Variants in HIP1R observed in about 807,000 individuals in gnomAD.
HIP1R encodes huntingtin interacting protein 1 related.
In HIP1R, 135 loss-of-function variants were observed where a neutral mutation model predicts 144.2. The observed-to-expected ratio is 0.94, with a 90% CI of 0.81 to 1.08. The LOEUF is 1.08. HIP1R is among the 50% of genes least tolerant of loss of function. The pLI is 0.00. For missense variants in HIP1R, 1,462 were observed against 1,432.8 expected, an observed-to-expected ratio of 1.02 and a Z score of -0.33; for synonymous variants, 698 against 612.8, an observed-to-expected ratio of 1.14 and a Z score of -2.05.
At chr12:122,860,339 A>G (rs903489493) in intron 26 of HIP1R, 84 bp from the exon 27 acceptor site, 52 of 1,559,608 alleles carry the variant, frequency 3.3e-5, no homozygotes, top group Admixed American at 1.5e-4. Flanking sequence ...GGCCAGAGTG[A>G]GGGGGAGAGG....
Position 122,840,980 on chromosome 12 carries a change from C to T in HIP1R, c.93+5337C>T, listed in dbSNP as rs958514893. Among the ~76,000 whole-genome samples the T allele has an allele frequency of 6.6e-6, 1 of 152,166 alleles. No individual in the cohort carries two copies. The highest frequency in any genetic ancestry group is 1.5e-5 in the Non-Finnish European group (1 of 68,030). On this transcript the variant is annotated intron_variant, in intron 1 of 31. Coordinates refer to ENST00000253083, the MANE Select transcript of HIP1R (RefSeq NM_003959.3). The surrounding 1 kb of genome is among the most constrained non-coding windows in gnomAD (Gnocchi z 4.2). ...CAGCCAGCGCTGCACCGGTCATTCG[C>T]GAATGAAACCCAGCTGGCCACTGGA...
Position 122,855,269 on chromosome 12 carries a change from C to A in HIP1R, c.857C>A (p.Pro286His), listed in dbSNP as rs1473662145. 1 of 1,612,692 alleles carries A rather than the reference C, an allele frequency of 6.2e-7. No homozygotes were observed. Among genetic ancestry groups the A allele is most frequent in the Non-Finnish European group, 8.5e-7 (1 of 1,179,922 alleles). Reference sequence around the variant, plus strand: ...TCCCACCTGCCGCCCCTGCAGGGACCCCCTAACTTCCTGCGGGCCTCAGCC... The same window carrying A: ...TCCCACCTGCCGCCCCTGCAGGGACACCCTAACTTCCTGCGGGCCTCAGCC... Reference protein sequence around the residue: ...LIQIPRLPEGPPNFLRASALA... With the variant: ...LIQIPRLPEGHPNFLRASALA... Residue 286 changes from proline (P) to histidine (H), a missense_variant, in exon 11 of 32, where the codon CCC (proline) becomes CAC (histidine). Pro to His is a moderately conservative substitution (Grantham distance 77). Coordinates refer to ENST00000253083, the MANE Select transcript of HIP1R (RefSeq NM_003959.3).
Position 122,860,936 on chromosome 12 carries a change from C to G in HIP1R, c.2787C>G (p.Ser929Arg). The stretch of plus-strand genomic sequence containing the variant: ...CTCAGGTGAAGGCCAACAAGCACAG[C>G]CCCCACCTGAGCCGCCTGCAGGAAT... ...AASKVKANKHSPHLSRLQECS... is the reference protein window; with the variant it reads ...AASKVKANKHRPHLSRLQECS... The change falls in exon 29 of 32, where the codon AGC (serine) becomes AGG (arginine). Residue 929 changes from serine (S) to arginine (R), a missense_variant. Ser to Arg is a moderately radical substitution (Grantham distance 110). Around this residue, in one of 2 missense-constraint regions of HIP1R, gnomAD observed 1,112 missense variants for 1,011.7 expected, o/e 1.10. Transcript: ENST00000253083. 6.2e-7 allele frequency: 1 copy of G among 1,612,378 alleles called. No individual in the cohort carries two copies. Among genetic ancestry groups the G allele is most frequent in the East Asian group, 2.2e-5 (1 of 44,798 alleles).
Position 122,860,220 on chromosome 12 carries a change from C to T in HIP1R, c.2559+10C>T, listed in dbSNP as rs376788472. The stretch of plus-strand genomic sequence containing the variant: ...CGTGGAGAGCGGCAGGGTGAGGGGC[C>T]GGCGGCAGCAGGGCACAGTCCACAA... On this transcript the variant is annotated intron_variant, in intron 26 of 31. Transcript: ENST00000253083. 590 of 1,549,956 alleles carry T rather than the reference C, an allele frequency of 3.8e-4. 2 individuals carry two copies. The highest frequency in any genetic ancestry group is 1.2e-3 in the Middle Eastern group (7 of 5,880).
At position 122,858,094 on chromosome 12, in the gene HIP1R, A is replaced by C. The variant is rs775876161; in HGVS notation, c.1816-8A>C. On this transcript the variant is annotated splice_polypyrimidine_tract_variant and splice_region_variant and intron_variant, in intron 18 of 31. Coordinates refer to ENST00000253083, the MANE Select transcript of HIP1R (RefSeq NM_003959.3). ...TCTCTAACCTGTCCTCTTCACCCCC[A>C]TTGCCAGGAGTCTCAGGAGCAGGGG... 1.3e-6 allele frequency: 2 copies of C among 1,567,958 alleles called. No homozygotes were observed. The highest frequency in any genetic ancestry group is 1.7e-5 in the Admixed American group (1 of 57,542).
rs771213166 is a variant in HIP1R, at chr12:122,851,217, C to G, written c.516-19C>G. 10 of 1,493,506 alleles carry G rather than the reference C, an allele frequency of 6.7e-6. No individual in the cohort carries two copies. The highest frequency in any genetic ancestry group is 8.0e-6 in the Non-Finnish European group (9 of 1,126,966). The allele number at this position is 1,493,506 out of a possible 1,614,324, so 92.5% of individuals were successfully genotyped here. On this transcript the variant is annotated intron_variant, in intron 6 of 31. Coordinates refer to ENST00000253083, the MANE Select transcript of HIP1R (RefSeq NM_003959.3). ...TCCACCCACCCTTTTTCATTTCTTC[C>G]CCCACTTCTCTTGCGTAGCTTCCAG... is the stretch of plus-strand genomic sequence containing the variant.
chr12:122,862,697 T>C lies in HIP1R; in HGVS notation c.*944T>C, dbSNP rs2033806080. The C allele has an allele frequency of 6.6e-6, 1 of 151,778 alleles. No individual in the cohort carries two copies. Among genetic ancestry groups the C allele is most frequent in the Non-Finnish European group, 1.5e-5 (1 of 67,930 alleles). 9.4% of individuals were successfully genotyped at this position (151,778 alleles called of 1,614,324 possible). A position where few individuals can be genotyped will look rare whatever the true frequency, so the allele number is the denominator to read the frequency against. ...GCTTTGCCCGTCAGATTTGAACGAA[T>C]GTGTGTCCCTTGAGCCCAAGGAGAG... On this transcript the variant is annotated 3_prime_UTR_variant, in exon 32 of 32. Transcript: ENST00000253083.
intron 1 of HIP1R, among the ~76,000 whole-genome samples, chr12:122,847,741 T>A (rs369817938): frequency 1.2e-4 from 18 of 151,672 alleles, no homozygotes; most frequent in African/African-American, 4.4e-4. Context: ...GCCAGGAGAG[T>A]CAAGTCGTGC....
At position 122,861,344 on chromosome 12, in the gene HIP1R, G is replaced by T; in HGVS notation, c.2989G>T (p.Glu997Ter). ...VLELEKTLEA[E>*]RMRLGELRKQ... ...GGAGCTGGAGAAGACGCTGGAGGCT[G>T]AACGCATGCGGCTGGGGGAGTTGCG... is the stretch of plus-strand genomic sequence containing the variant. Residue 997 changes from glutamate (E) to a stop codon, truncating the protein, a stop_gained, in exon 31 of 32, where the codon GAA (glutamate) becomes TAA (stop). Coordinates refer to ENST00000253083, the MANE Select transcript of HIP1R (RefSeq NM_003959.3). LOFTEE classifies it high-confidence loss of function. 1 of 1,613,704 alleles carries T rather than the reference G, an allele frequency of 6.2e-7. No individual in the cohort carries two copies.
At chr12:122,851,998 T>C (rs1479139376) in intron 7 of HIP1R, among the ~76,000 whole-genome samples, 1 of 152,182 alleles carries the variant, frequency 6.6e-6, no homozygotes, top group Non-Finnish European at 1.5e-5. Context: ...CTGAGTCACG[T>C]CAGACTTCCT....
intron 18 of HIP1R, chr12:122,857,627 C>T (rs1198818359): frequency 2.9e-6 from 1 of 345,870 alleles, no homozygotes; most frequent in Non-Finnish European, 5.4e-6. Flanking sequence ...TGCTGGGTCT[C>T]ACCTCTGTTA....
intron 4 of HIP1R, 103 bp from the exon 5 acceptor site, chr12:122,849,768 TTGAA>T (rs1161443976): frequency 6.9e-6 from 5 of 721,838 alleles, no homozygotes; most frequent in African/African-American, 3.5e-5. Context: ...AAGACGTTTG[TTGAA>T]TGAAGAAGTG....
At position 122,850,855 on chromosome 12, in the gene HIP1R, C is replaced by T; in HGVS notation, c.459C>T (p.Gly153=). 1 of 1,609,770 alleles carries T rather than the reference C, an allele frequency of 6.2e-7. No homozygotes were observed. The highest frequency in any genetic ancestry group is 1.1e-5 in the South Asian group (1 of 90,244). ...FHLKHPQFPA[G]LEVTDEVLEK... ...CACAGCATCCCCAGTTTCCCGCGGG[C>T]CTGGAGGTGACAGATGAGGTACTGG... is the stretch of plus-strand genomic sequence containing the variant. Residue 153 remains glycine (G), a synonymous_variant, in exon 6 of 32, where the codon GGC becomes GGT. Transcript: ENST00000253083.
Position 122,856,001 on chromosome 12 carries a change from C to A in HIP1R, c.1150C>A (p.Leu384Met). 1 of 1,593,144 alleles carries A rather than the reference C, an allele frequency of 6.3e-7. No individual in the cohort carries two copies. Among genetic ancestry groups the A allele is most frequent in the Non-Finnish European group, 8.5e-7 (1 of 1,170,222 alleles). The change falls in exon 14 of 32, where the codon CTG becomes ATG. Residue 384 changes from leucine to methionine, a missense_variant. Leu to Met is a conservative substitution (Grantham distance 15). Transcript: ENST00000253083. ...GCAGGCCCAGCGGTACATCGCGCAG[C>A]TGAAGAGCCAGGTGAATGCACTGGA... The part of the protein sequence containing the change: ...KLEAQRYIAQ[L>M]KSQVNALEGE...
Position 122,856,323 on chromosome 12 carries a change from G to A in HIP1R, c.1380G>A (p.Val460=), listed in dbSNP as rs1303772192. The change falls in exon 15 of 32, where the codon GTG becomes GTA. Residue 460 remains valine (V), a synonymous_variant. Transcript: ENST00000253083. ...LKEKHSELVH[V]HAELLRKNAD... ...AAAAGCACAGTGAGCTCGTCCATGT[G>A]CACGCGGAGCTGCTCAGAAAGGTAG... 3 of 1,613,768 alleles carry A rather than the reference G, an allele frequency of 1.9e-6. No individual in the cohort carries two copies. The highest frequency in any genetic ancestry group is 2.5e-6 in the Non-Finnish European group (3 of 1,179,998).
chr12:122,846,547 G>T (rs937766), intron 1 of HIP1R, among the ~76,000 whole-genome samples: 127,520 of 152,132 alleles, frequency 0.84, 53,777 homozygotes, highest in Middle Eastern at 0.91. Flanking sequence ...AGGAGCTGAG[G>T]CCTGGGGGCC....
Position 122,860,181 on chromosome 12 carries a change from C to T in HIP1R, c.2530C>T (p.Leu844=), listed in dbSNP as rs750098217. ...GCTCCTGGTGACGACATCCACTAGC[C>T]TGCAGAAGGAGATCGTGGAGAGCGG... is the stretch of plus-strand genomic sequence containing the variant. ...IRLLVTTSTS[L]QKEIVESGRG... Residue 844 remains leucine, a synonymous_variant, in exon 26 of 32, where the codon CTG becomes TTG. Coordinates refer to ENST00000253083, the MANE Select transcript of HIP1R (RefSeq NM_003959.3). The T allele has an allele frequency of 3.0e-4, 470 of 1,571,066 alleles. 1 individual carries two copies. Among genetic ancestry groups the T allele is most frequent in the Non-Finnish European group, 3.9e-4 (447 of 1,159,956 alleles).
intron 17 of HIP1R, 138 bp downstream of exon 17, chr12:122,856,864 G>C (rs1397783201): frequency 6.8e-6 from 7 of 1,030,164 alleles, no homozygotes; most frequent in Middle Eastern, 6.3e-4. Flanking sequence ...AGACCCAGGG[G>C]CTACATGGGA....
intron 28 of HIP1R, 32 bp downstream of exon 28, chr12:122,860,816 G>A (rs763124601): frequency 2.5e-6 from 4 of 1,605,630 alleles, no homozygotes; most frequent in Non-Finnish European, 3.4e-6. Flanking sequence ...AGCACACTGG[G>A]CTCTGGGCCC....
Sources: gnomAD v4.1 joint callset for allele counts (sites outside exome capture counted in the v4.1 genomes callset) on GRCh38, gnomAD v4.1.1 for gene constraint, gnomAD v4.1.1 regional missense constraint, Gnocchi (gnomAD v3.1) non-coding constraint, MANE v1.5 for transcripts, NCBI Gene and HGNC (gene_info 2026-07-23, HGNC 2026-07-21) for gene names.